The following CCDC62 variants were observed in gnomAD, a reference collection of about 807,000 sequenced individuals.
CCDC62 encodes coiled-coil domain containing 62.
In CCDC62, 72 loss-of-function variants were observed where a neutral mutation model predicts 80.8. That is an observed-to-expected ratio of 0.89 (90% CI 0.74 to 1.08). CCDC62 has a LOEUF of 1.08. Among genes scored for constraint, CCDC62 ranks in the 50% least tolerant of loss-of-function variants. CCDC62 has a pLI of 0.00. For synonymous variants in CCDC62, 286 were observed against 296.5 expected (o/e 0.96, Z 0.36); for missense variants, 704 against 809.4 (o/e 0.87, Z 1.58).
intron 10 of CCDC62, among the ~76,000 whole-genome samples, chr12:122,807,652 A>G (rs2031681601): frequency 6.6e-6 from 1 of 152,076 alleles, no homozygotes; most frequent in Non-Finnish European, 1.5e-5. Context: ...ACCTGGCCAG[A>G]CATTTTCTTG....
chr12:122,826,352 CT>C, intron 12 of CCDC62, 69 bp from the exon 13 acceptor site: 1 of 758,030 alleles, frequency 1.3e-6, no homozygotes, highest in Non-Finnish European at 2.4e-6. Flanking sequence ...ACGCCAGGAG[CT>C]TATAGCATGC....
chr12:122,774,957 G>A (rs1430919456), intron 1 of CCDC62, among the ~76,000 whole-genome samples: 1 of 151,496 alleles, frequency 6.6e-6, no homozygotes, highest in Non-Finnish European at 1.5e-5. Context: ...AGCCGGGCGT[G>A]GCGGCGGGCG....
intron 6 of CCDC62, among the ~76,000 whole-genome samples, chr12:122,794,951 A>C (rs1370391305): frequency 1.3e-5 from 2 of 152,044 alleles, no homozygotes; most frequent in African/African-American, 2.4e-5. Context: ...GATTATAGGC[A>C]TGAGCCATCG....
chr12:122,780,049 C>T (rs1272612061), intron 2 of CCDC62, among the ~76,000 whole-genome samples: 1 of 151,836 alleles, frequency 6.6e-6, no homozygotes, highest in Non-Finnish European at 1.5e-5. Flanking sequence ...CGGTGGCTCA[C>T]GCCTGTAATC....
chr12:122,808,114 T>C (rs1161268950), intron 10 of CCDC62, among the ~76,000 whole-genome samples: 1 of 152,122 alleles, frequency 6.6e-6, no homozygotes, highest in Non-Finnish European at 1.5e-5. Context: ...CTGGCCAGCA[T>C]GGTGAAATCC....
chr12:122,801,091 A>G, intron 8 of CCDC62, 33 bp from the exon 9 acceptor site: 4 of 1,576,064 alleles, frequency 2.5e-6, no homozygotes, highest in Non-Finnish European at 3.4e-6. Context: ...AGTATATCTT[A>G]TAACCTCCAT....
chr12:122,803,853 T>C (rs180792242), intron 9 of CCDC62, among the ~76,000 whole-genome samples: 38 of 152,340 alleles, frequency 2.5e-4, no homozygotes, highest in African/African-American at 7.9e-4. Flanking sequence ...TTATGTCAGA[T>C]AGTTTTAAGA....
intron 1 of CCDC62, among the ~76,000 whole-genome samples, chr12:122,775,159 C>T (rs990947442): frequency 4.6e-5 from 7 of 151,706 alleles, no homozygotes; most frequent in African/African-American, 1.5e-4. Flanking sequence ...CGACCGTTTC[C>T]TTAACCCAAT....
intron 6 of CCDC62, among the ~76,000 whole-genome samples, chr12:122,793,349 T>C (rs2030744997): frequency 6.6e-6 from 1 of 152,120 alleles, no homozygotes. Context: ...ATGACTTTCC[T>C]AACACAAACC....
At chr12:122,812,817 A>AAGAAAGAAAGAAAGAAAGAAAGAG (rs1566086804) in intron 10 of CCDC62, among the ~76,000 whole-genome samples, 3 of 149,872 alleles carry the variant, frequency 2.0e-5, no homozygotes, top group African/African-American at 7.5e-5. Context: ...GAAAGAAAGA[A>AAGAAAGAAAGAAAGAAAGAAAGAG]AGAAAGAAAG....
At chr12:122,813,870 T>C (rs1005853291) in intron 11 of CCDC62, among the ~76,000 whole-genome samples, 8 of 152,038 alleles carry the variant, frequency 5.3e-5, no homozygotes, top group Non-Finnish European at 1.2e-4. Context: ...TTGGCCAGGC[T>C]GGTCTCAAAC....
intron 12 of CCDC62, among the ~76,000 whole-genome samples, chr12:122,825,993 CAAA>C (rs61129769): frequency 0.037 from 4,045 of 110,328 alleles, 185 homozygotes; most frequent in African/African-American, 0.13. Flanking sequence ...AACTCCGTCT[CAAA>C]AAAAAAAAAA....
chr12:122,774,791 A>C, intron 1 of CCDC62, 85 bp downstream of exon 1: 1 of 1,087,392 alleles, frequency 9.2e-7, no homozygotes, highest in South Asian at 4.6e-5. Flanking sequence ...AACGGTGTCT[A>C]CTTAAAATGT....
intron 9 of CCDC62, among the ~76,000 whole-genome samples, chr12:122,805,267 C>T (rs1019888068): frequency 8.1e-6 from 1 of 122,734 alleles, no homozygotes; most frequent in Non-Finnish European, 1.7e-5. Flanking sequence ...ATCTTTAGAA[C>T]TTTCATTTCA....
chr12:122,801,293 A>G lies in CCDC62; in HGVS notation c.1147A>G (p.Ile383Val). Residue 383 changes from isoleucine to valine, a missense_variant, in exon 9 of 13, where the codon ATC becomes GTC. Ile to Val is a conservative substitution (Grantham distance 29). Transcript: ENST00000253079. ...TGAATGCAAAGAGAAGAAACAACAG[A>G]TCGATACTGTGTTTGGGGAGAAAAG... ...CDECKEKKQQ[I>V]DTVFGEKSVI... 6.2e-7 allele frequency: 1 copy of G among 1,614,210 alleles called. No homozygotes were observed. The highest frequency in any genetic ancestry group is 8.5e-7 in the Non-Finnish European group (1 of 1,180,032).
At chr12:122,817,822 G>A (rs1696316) in intron 11 of CCDC62, among the ~76,000 whole-genome samples, 16,700 of 151,378 alleles carry the variant, frequency 0.11, 2,144 homozygotes, top group African/African-American at 0.31. Flanking sequence ...GCATGCATGC[G>A]TGTGTGTGTG....
At chr12:122,791,675 C>G (rs1007229760) in intron 5 of CCDC62, among the ~76,000 whole-genome samples, 1 of 152,200 alleles carries the variant, frequency 6.6e-6, no homozygotes, top group Non-Finnish European at 1.5e-5. Flanking sequence ...TCTCGAACTC[C>G]TGGCCTCAAG....
At chr12:122,795,270 C>T (rs778488938) in intron 6 of CCDC62, among the ~76,000 whole-genome samples, 4 of 151,112 alleles carry the variant, frequency 2.6e-5, no homozygotes, top group Non-Finnish European at 5.9e-5. Context: ...AGGCTGGTCT[C>T]GAACTCTTGA....
At chr12:122,797,571 C>T (rs576007494) in intron 7 of CCDC62, among the ~76,000 whole-genome samples, 176 bp downstream of exon 7, 65 of 152,172 alleles carry the variant, frequency 4.3e-4, no homozygotes, top group Non-Finnish European at 8.1e-4. Context: ...GACGGAGTCT[C>T]GCACTGTCAA....
Sources: gnomAD v4.1 joint callset for allele counts (sites outside exome capture counted in the v4.1 genomes callset) on GRCh38, gnomAD v4.1.1 for gene constraint, MANE v1.5 for transcripts, NCBI Gene and HGNC (gene_info 2026-07-23, HGNC 2026-07-21) for gene names.